The following POLDIP3 variants were observed in gnomAD, a reference collection of about 807,000 sequenced individuals.
The protein encoded by POLDIP3 is DNA polymerase delta interacting protein 3.
A neutral mutation model predicts 45.1 loss-of-function variants in POLDIP3; 14 were observed. That is an observed-to-expected ratio of 0.31 (90% CI 0.20 to 0.49). The LOEUF (loss-of-function observed/expected upper bound fraction) is 0.49. Among genes scored for constraint, POLDIP3 ranks in the 20% least tolerant of loss-of-function variants. The probability of loss-of-function intolerance (pLI) is 0.99; values close to 1 mark genes in which losing one functional copy is unlikely to be tolerated. For missense variants in POLDIP3, 511 were observed against 538.8 expected, an observed-to-expected ratio of 0.95 and a Z score of 0.51; for synonymous variants, 223 against 205.2, an observed-to-expected ratio of 1.09 and a Z score of -0.74.
At chr22:42,607,859 C>A (rs1348838702) in intron 1 of POLDIP3, among the ~76,000 whole-genome samples, 2 of 148,096 alleles carry the variant, frequency 1.4e-5, no homozygotes, top group Non-Finnish European at 3.0e-5. Context: ...AAGTGAGGAG[C>A]CCCTCCGCCC....
chr22:42,613,337 G>A (rs1601913732), intron 1 of POLDIP3, among the ~76,000 whole-genome samples: 1 of 152,250 alleles, frequency 6.6e-6, no homozygotes, highest in East Asian at 1.9e-4. Flanking sequence ...GTAAGTGCTG[G>A]CTGCGAATTA....
chr22:42,614,153 G>A (rs542675485), intron 1 of POLDIP3, among the ~76,000 whole-genome samples: 1 of 152,310 alleles, frequency 6.6e-6, no homozygotes, highest in African/African-American at 2.4e-5. Context: ...CCGTGGCCTC[G>A]GGCAAGTCAC....
chr22:42,607,923 T>C (rs1236700912), intron 1 of POLDIP3, among the ~76,000 whole-genome samples: 4 of 148,082 alleles, frequency 2.7e-5, no homozygotes, highest in East Asian at 2.0e-4. Context: ...AGCCGCCCCG[T>C]CTGGGAGGGA....
rs150765811 is a variant in POLDIP3, at chr22:42,599,752, G to C, written c.579C>G (p.Ser193=). 45 of 1,612,154 alleles carry C rather than the reference G, an allele frequency of 2.8e-5. No individual in the cohort carries two copies. In the African/African-American group the frequency reaches 5.5e-4, roughly 20 times the overall value. ...CAAACTTCATCTGTTTAGTAGGAACGGAAGCTATACCATCATCATCTTCAT... is the reference window on the plus strand; with the variant it reads ...CAAACTTCATCTGTTTAGTAGGAACCGAAGCTATACCATCATCATCTTCAT... ...DLDEDDDGIA[S]VPTKQMKFAA... The change falls in exon 4 of 9, where the codon TCC becomes TCG. Residue 193 remains serine (S), a synonymous_variant. Transcript: ENST00000252115.
rs771467914 is a variant in POLDIP3, at chr22:42,603,252, A to C, written c.60-92T>G. The C allele has an allele frequency of 9.5e-5, 131 of 1,374,324 alleles. 1 individual carries two copies. The highest frequency in any genetic ancestry group is 3.2e-4 in the African/African-American group (22 of 69,126). 85.1% of individuals were successfully genotyped at this position (1,374,324 alleles called of 1,614,324 possible). ...ACTGTGGTAACACTGGGGACAGAGG[A>C]GGCCCTGGAGAATCAGAAAGCGGCT... On this transcript the variant is annotated intron_variant, in intron 1 of 8. Transcript: ENST00000252115.
At chr22:42,614,294 G>C (rs967191270) in intron 1 of POLDIP3, among the ~76,000 whole-genome samples, 4 of 152,234 alleles carry the variant, frequency 2.6e-5, no homozygotes, top group African/African-American at 9.6e-5. Context: ...TTAAAACGCC[G>C]CACAAAGAGA....
intron 3 of POLDIP3, 140 bp downstream of exon 3, chr22:42,601,830 C>T (rs1926398468): frequency 9.7e-7 from 1 of 1,036,050 alleles, no homozygotes; most frequent in South Asian, 2.2e-5. Flanking sequence ...AACCCTGCCT[C>T]CAATACTACC....
chr22:42,594,812 T>C (rs1440702532), intron 6 of POLDIP3, among the ~76,000 whole-genome samples: 1 of 152,188 alleles, frequency 6.6e-6, no homozygotes, highest in East Asian at 1.9e-4. Flanking sequence ...CACCAATCCA[T>C]CTCACTTCTT....
intron 7 of POLDIP3, among the ~76,000 whole-genome samples, chr22:42,589,238 G>A (rs537601334): frequency 6.5e-5 from 9 of 137,520 alleles, no homozygotes; most frequent in East Asian, 6.3e-4. Flanking sequence ...GCGAGACTCC[G>A]TCTCAAAAAA....
In POLDIP3 at chr22:42,599,703, G is replaced by A; in HGVS notation, c.628C>T (p.His210Tyr). ...KFAASGGFLHHMAGLSSSKLS... is the reference protein window; with the variant it reads ...KFAASGGFLHYMAGLSSSKLS... ...GAAAACATGAAATGCCATACCATGT[G>A]GTGGAGAAAGCCGCCTGAGGCTGCA... is the stretch of plus-strand genomic sequence containing the variant. The change falls in exon 4 of 9, where the codon CAC becomes TAC. Residue 210 changes from histidine (H) to tyrosine (Y), a missense_variant. Physicochemically the swap from His to Tyr is moderately conservative, Grantham distance 83. Transcript: ENST00000252115. 1 of 1,598,804 alleles carries A rather than the reference G, an allele frequency of 6.3e-7. No individual in the cohort carries two copies. The highest frequency in any genetic ancestry group is 8.6e-7 in the Non-Finnish European group (1 of 1,166,302).
At chr22:42,597,741 T>G (rs928987690) in intron 4 of POLDIP3, 1 of 470,514 alleles carries the variant, frequency 2.1e-6, no homozygotes, top group Admixed American at 2.4e-5. Context: ...CTGGTCCCTT[T>G]GTAAAGAAAC....
In POLDIP3 at chr22:42,596,076, T is replaced by TG. The variant is rs1174575788; in HGVS notation, c.813+109dup. 8 of 1,216,158 alleles carry TG rather than the reference T, an allele frequency of 6.6e-6. No individual in the cohort carries two copies. In the East Asian group the frequency reaches 1.9e-4, roughly 28 times the overall value. 75.3% of individuals were successfully genotyped at this position (1,216,158 alleles called of 1,614,324 possible). A position where few individuals can be genotyped will look rare whatever the true frequency, so the allele number is the denominator to read the frequency against. The stretch of plus-strand genomic sequence containing the variant: ...GGTCTTGGTTTGCTCATCTGTAGAA[T>TG]GGGGGTGGCAATGCCCACCTCACAA... On this transcript the variant is annotated intron_variant, in intron 5 of 8. Coordinates refer to ENST00000252115, the MANE Select transcript of POLDIP3 (RefSeq NM_032311.5).
intron 5 of POLDIP3, 106 bp from the exon 6 acceptor site, chr22:42,595,720 A>C: frequency 4.0e-6 from 4 of 995,772 alleles, no homozygotes; most frequent in Non-Finnish European, 6.3e-6. Context: ...GGAAAGCTCC[A>C]TGGAGAGTTA....
In POLDIP3 at chr22:42,585,166, GAT is replaced by G. The variant is rs1569293124; in HGVS notation, c.*623_*624del. 2.1e-6 allele frequency: 1 copy of G among 467,810 alleles called. No homozygotes were observed. The highest frequency in any genetic ancestry group is 1.5e-5 in the South Asian group (1 of 64,680). The allele number at this position is 467,810 out of a possible 1,614,324, so 29.0% of individuals were successfully genotyped here. A position where few individuals can be genotyped will look rare whatever the true frequency, so the allele number is the denominator to read the frequency against. ...CACGGGACTCCAAGCCAAGAGCTTA[GAT>G]AGACTCTTCCCAGCGGTGCAGCCTC... On this transcript the variant is annotated 3_prime_UTR_variant, in exon 9 of 9. Coordinates refer to ENST00000252115, the MANE Select transcript of POLDIP3 (RefSeq NM_032311.5).
chr22:42,595,502 T>G (rs1232042536), intron 6 of POLDIP3, 35 bp downstream of exon 6: 4,694 of 1,510,294 alleles, frequency 3.1e-3, no homozygotes, highest in Non-Finnish European at 4.0e-3. Flanking sequence ...AGAGGCAGTT[T>G]GAGATTTAAA....
Position 42,584,938 on chromosome 22 carries a change from G to T in POLDIP3, c.*853C>A. ...ACAATGGGAGGCTGAGCCTTTCAAA[G>T]GCCCAACCAGAAGAGAGCTGGCGGC... is the stretch of plus-strand genomic sequence containing the variant. On this transcript the variant is annotated 3_prime_UTR_variant, in exon 9 of 9. Coordinates refer to ENST00000252115, the MANE Select transcript of POLDIP3 (RefSeq NM_032311.5). 1 of 456,288 alleles carries T rather than the reference G, an allele frequency of 2.2e-6. No individual in the cohort carries two copies. The highest frequency in any genetic ancestry group is 4.4e-6 in the Non-Finnish European group (1 of 226,970). The allele number at this position is 456,288 out of a possible 1,614,324, so 28.3% of individuals were successfully genotyped here.
chr22:42,587,437 GTT>G (rs1925381109), intron 8 of POLDIP3, 67 bp downstream of exon 8: 1 of 1,458,658 alleles, frequency 6.9e-7, no homozygotes, highest in South Asian at 1.2e-5. Flanking sequence ...GATGCAGGCA[GTT>G]TACCCATTAG....
At chr22:42,597,837 G>A (rs1020707690) in intron 4 of POLDIP3, 1 of 437,162 alleles carries the variant, frequency 2.3e-6, no homozygotes, top group South Asian at 1.7e-5. Flanking sequence ...CTGGAGTGCA[G>A]TGGCGCAATC....
At chr22:42,614,298 A>T (rs977284921) in intron 1 of POLDIP3, among the ~76,000 whole-genome samples, 1 of 152,242 alleles carries the variant, frequency 6.6e-6, no homozygotes, top group Non-Finnish European at 1.5e-5. Context: ...AACGCCGCAC[A>T]AAGAGAGGCG....
Sources: allele counts gnomAD v4.1 joint callset (sites outside exome capture counted in the v4.1 genomes callset), GRCh38; gene constraint gnomAD v4.1.1; transcripts MANE v1.5; gene names NCBI Gene and HGNC (gene_info 2026-07-23, HGNC 2026-07-21).